Variants in DGAT2L6 observed in about 807,000 individuals in gnomAD.
DGAT2L6 encodes the protein diacylglycerol O-acyltransferase 2-like protein 6.
A neutral mutation model predicts 25.5 loss-of-function variants in DGAT2L6; 22 were observed. The observed-to-expected ratio is 0.86, with a 90% confidence interval of 0.62 to 1.23. The LOEUF is 1.23. DGAT2L6 is among the 50% of genes most tolerant of loss of function. The pLI is 0.00. For missense variants in DGAT2L6, 287 were observed against 253.2 expected (o/e 1.13, Z -0.91); for synonymous variants, 100 against 94.7 (o/e 1.06, Z -0.32).
intron 6 of DGAT2L6, 69 bp from the exon 7 acceptor site, chrX:70,204,883 C>T: frequency 9.2e-7 from 1 of 1,087,220 alleles, no homozygotes; most frequent in Non-Finnish European, 1.2e-6. Context: ...GTACATGGCT[C>T]CCAGTGAGGG....
intron 1 of DGAT2L6, among the ~76,000 whole-genome samples, chrX:70,184,962 G>A (rs2085355263): frequency 9.0e-6 from 1 of 111,215 alleles, no homozygotes; most frequent in African/African-American, 3.3e-5. Context: ...AAAACTCTTA[G>A]CTGATCTCTT....
intron 1 of DGAT2L6, among the ~76,000 whole-genome samples, chrX:70,180,406 G>T (rs921808104): frequency 2.7e-5 from 3 of 110,026 alleles, no homozygotes; most frequent in African/African-American, 9.9e-5. Flanking sequence ...CCAAGATTGC[G>T]CCACTGCACT....
chrX:70,192,459 G>C (rs1033665203), intron 1 of DGAT2L6, among the ~76,000 whole-genome samples: 1 of 112,100 alleles, frequency 8.9e-6, no homozygotes, highest in Non-Finnish European at 1.9e-5. Flanking sequence ...ATACTGCAAT[G>C]GTAGTGTGTA....
At chrX:70,202,413 G>C (rs772700426) in intron 5 of DGAT2L6, among the ~76,000 whole-genome samples, 1 of 112,068 alleles carries the variant, frequency 8.9e-6, no homozygotes, top group Admixed American at 9.4e-5. Context: ...CACTAGCTTT[G>C]ATACCGTGAG....
chrX:70,184,997 C>A (rs1172845477), intron 1 of DGAT2L6, among the ~76,000 whole-genome samples: 1 of 111,375 alleles, frequency 9.0e-6, no homozygotes, highest in Non-Finnish European at 1.9e-5. Context: ...CTTGCTCTCA[C>A]AGTTATTCCA....
At chrX:70,197,197 TTCA>T (rs2085394901) in intron 1 of DGAT2L6, among the ~76,000 whole-genome samples, 1 of 112,136 alleles carries the variant, frequency 8.9e-6, no homozygotes, top group South Asian at 3.7e-4. Context: ...ATGCTTGTTC[TTCA>T]TCATTCCTTC....
intron 1 of DGAT2L6, among the ~76,000 whole-genome samples, chrX:70,182,505 A>T (rs1602687357): frequency 2.0e-5 from 1 of 50,370 alleles, no homozygotes; most frequent in Non-Finnish European, 3.2e-5. Context: ...TTTGAGACGG[A>T]GTCTTACTCT....
At chrX:70,182,749 G>A (rs112058234) in intron 1 of DGAT2L6, among the ~76,000 whole-genome samples, 11,740 of 110,933 alleles carry the variant, frequency 0.11, 594 homozygotes, top group Non-Finnish European at 0.14. Flanking sequence ...CGCCTCCCGG[G>A]CTCACGCCAT....
chrX:70,190,212 T>C (rs1162264150), intron 1 of DGAT2L6, among the ~76,000 whole-genome samples: 1 of 112,086 alleles, frequency 8.9e-6, no homozygotes, highest in Non-Finnish European at 1.9e-5. Context: ...AGGAACGGTG[T>C]AGGAAAATTT....
rs2085411791 is a variant in DGAT2L6 at position 70,201,901 on chromosome X, G to T, written c.484G>T (p.Val162Leu). 5.9e-6 allele frequency: 7 copies of T among 1,189,628 alleles called. No homozygotes were observed. In the Admixed American group the frequency reaches 1.6e-4, roughly 28 times the overall value. Reference protein sequence around the residue: ...EYVMSMGVCPVSSSALKYLLT... With the variant: ...EYVMSMGVCPLSSSALKYLLT... ...CTTTGGTTTCACAGGTGTGTGCCCT[G>T]TGAGTAGCTCAGCCTTGAAGTACTT... The change falls in exon 5 of 7, where the codon GTG becomes TTG. Residue 162 changes from valine to leucine, a missense_variant. Transcript: ENST00000333026.
chrX:70,179,530 C>T (rs1489605656), intron 1 of DGAT2L6, among the ~76,000 whole-genome samples: 3 of 104,877 alleles, frequency 2.9e-5, no homozygotes, highest in African/African-American at 1.1e-4. Context: ...GGTGTAGGGC[C>T]TGTCCCACCC....
chrX:70,177,619 C>A lies in DGAT2L6; in HGVS notation c.37C>A (p.Leu13Ile), dbSNP rs1420836535. Residue 13 changes from leucine (L) to isoleucine (I), a missense_variant, in exon 1 of 7, where the codon CTC becomes ATC. Transcript: ENST00000333026. ...CTCCCGACTGAATCTCCAGGAGGGC[C>A]TCCAAACCTTCTTTGTTTTGCAATG... ...FFSRLNLQEG[L>I]QTFFVLQWIP... 4 of 1,211,207 alleles carry A rather than the reference C, an allele frequency of 3.3e-6. No individual in the cohort carries two copies. The highest frequency in any genetic ancestry group is 4.5e-6 in the Non-Finnish European group (4 of 895,006).
intron 1 of DGAT2L6, among the ~76,000 whole-genome samples, chrX:70,196,866 A>T (rs1289993897): frequency 8.9e-6 from 1 of 112,705 alleles, no homozygotes; most frequent in Admixed American, 9.3e-5. Context: ...ACCAAAGAGG[A>T]TATACAGAAA....
chrX:70,192,233 C>G (rs749814937), intron 1 of DGAT2L6, among the ~76,000 whole-genome samples: 4 of 111,679 alleles, frequency 3.6e-5, no homozygotes, highest in Admixed American at 9.5e-5. Flanking sequence ...GCATAGGTGA[C>G]AAAATGAGAC....
At chrX:70,203,948 A>G (rs1424529283) in intron 5 of DGAT2L6, among the ~76,000 whole-genome samples, 1 of 110,859 alleles carries the variant, frequency 9.0e-6, no homozygotes, top group East Asian at 2.9e-4. Context: ...AGGGAAGGCT[A>G]GAGCAAAAAG....
chrX:70,183,695 G>A (rs1304691947), intron 1 of DGAT2L6, among the ~76,000 whole-genome samples: 1 of 110,906 alleles, frequency 9.0e-6, no homozygotes, highest in Non-Finnish European at 1.9e-5. Context: ...ATCCTTTTTG[G>A]GTGTGTGGGC....
intron 5 of DGAT2L6, among the ~76,000 whole-genome samples, chrX:70,203,889 G>A (rs187519369): frequency 6.3e-4 from 70 of 110,239 alleles, no homozygotes; most frequent in African/African-American, 2.2e-3. Flanking sequence ...ACTTAATATG[G>A]CTAAGCAGAT....
Position 70,201,876 on chromosome X carries a change from C to G in DGAT2L6, c.473-14C>G. On this transcript the variant is annotated splice_polypyrimidine_tract_variant and intron_variant, in intron 4 of 6. Coordinates refer to ENST00000333026, the MANE Select transcript of DGAT2L6 (RefSeq NM_198512.3). Reference sequence around the variant, plus strand: ...AATGAAGTTTTTCTACCACTTGACTCTTTGGTTTCACAGGTGTGTGCCCTG... The same window carrying G: ...AATGAAGTTTTTCTACCACTTGACTGTTTGGTTTCACAGGTGTGTGCCCTG... The G allele has an allele frequency of 8.7e-7, 1 of 1,152,851 alleles. No individual in the cohort carries two copies. Among genetic ancestry groups the G allele is most frequent in the Non-Finnish European group, 1.2e-6 (1 of 868,536 alleles).
chrX:70,195,223 T>A (rs972706752), intron 1 of DGAT2L6, among the ~76,000 whole-genome samples: 1 of 111,566 alleles, frequency 9.0e-6, no homozygotes, highest in African/African-American at 3.3e-5. Context: ...ATAGCTATTA[T>A]CAAAAAGACA....
Sources: allele counts gnomAD v4.1 joint callset (sites outside exome capture counted in the v4.1 genomes callset), GRCh38; gene constraint gnomAD v4.1.1; transcripts MANE v1.5; gene names NCBI Gene and HGNC (gene_info 2026-07-23, HGNC 2026-07-21).